The following ZNF527 variants were observed in gnomAD, a reference collection of about 807,000 sequenced individuals.
ZNF527 encodes zinc finger protein 527.
A neutral mutation model predicts 13.5 loss-of-function variants in ZNF527; 5 were observed. That is an observed-to-expected ratio of 0.37 (90% confidence interval 0.19 to 0.78). The LOEUF (loss-of-function observed/expected upper bound fraction) is 0.78, where lower values mean the gene tolerates loss of function less well. Among genes scored for constraint, ZNF527 ranks in the 30% least tolerant of loss-of-function variants. ZNF527 has a pLI of 0.48. For synonymous variants in ZNF527, 209 were observed against 243.1 expected, an observed-to-expected ratio of 0.86 and a Z score of 1.30; for missense variants, 628 against 726.4, an observed-to-expected ratio of 0.86 and a Z score of 1.56.
rs200322627 is a variant in ZNF527 at position 37,389,872 on chromosome 19, C to A, written c.1823C>A (p.Thr608Lys). ...RRHQRIHNRE[T>K]L ...CATCAGAGAATTCATAATAGAGAAA[C>A]GCTCTGATTATAACAAGTATAGGAA... The change falls in exon 5 of 5, where the codon ACG becomes AAG. Residue 608 changes from threonine (T) to lysine (K), a missense_variant. Thr to Lys is a moderately conservative substitution (Grantham distance 78, BLOSUM62 -1). Coordinates refer to ENST00000436120, the MANE Select transcript of ZNF527 (RefSeq NM_032453.2). The A allele has an allele frequency of 1.3e-6, 2 of 1,587,170 alleles. No homozygotes were observed. Among genetic ancestry groups the A allele is most frequent in the Non-Finnish European group, 1.7e-6 (2 of 1,170,568 alleles).
In ZNF527 at chr19:37,371,185, C is replaced by T. The variant is rs990552693; in HGVS notation, c.-83C>T. 2 of 152,698 alleles carry T rather than the reference C, an allele frequency of 1.3e-5. No individual in the cohort carries two copies. Among genetic ancestry groups the T allele is most frequent in the African/African-American group, 2.4e-5 (1 of 41,452 alleles). 9.5% of individuals were successfully genotyped at this position (152,698 alleles called of 1,614,324 possible). A position where few individuals can be genotyped will look rare whatever the true frequency, so the allele number is the denominator to read the frequency against. On this transcript the variant is annotated 5_prime_UTR_variant, in exon 1 of 5. Coordinates refer to ENST00000436120, the MANE Select transcript of ZNF527 (RefSeq NM_032453.2). ...GATTCTGGGAGGTGACGTCGCGGGT[C>T]TCGGTCGCGGGGCCCGTTTGCAGAG...
At chr19:37,378,961 C>T (rs1257253030) in intron 2 of ZNF527, among the ~76,000 whole-genome samples, 159 bp from the exon 3 acceptor site, 2 of 152,102 alleles carry the variant, frequency 1.3e-5, no homozygotes, top group African/African-American at 4.8e-5. Flanking sequence ...TAATATTTCT[C>T]TTCTCTTAAA....
chr19:37,384,274 C>T (rs781198824), intron 4 of ZNF527, among the ~76,000 whole-genome samples: 4 of 152,006 alleles, frequency 2.6e-5, no homozygotes, highest in African/African-American at 4.8e-5. Flanking sequence ...GCTGGGATCG[C>T]GCCACGGCAC....
At chr19:37,371,787 T>G (rs1355002949) in intron 1 of ZNF527, among the ~76,000 whole-genome samples, 2 of 152,166 alleles carry the variant, frequency 1.3e-5, no homozygotes, top group Non-Finnish European at 2.9e-5. Flanking sequence ...ACCATCTATC[T>G]TTGTGCTTAT....
intron 1 of ZNF527, among the ~76,000 whole-genome samples, chr19:37,372,189 G>A (rs887715374): frequency 5.9e-5 from 9 of 151,758 alleles, no homozygotes; most frequent in African/African-American, 2.4e-5. Context: ...TAGTAGAGAC[G>A]AGGTTTCACC....
At chr19:37,379,882 T>A (rs1448682290) in intron 3 of ZNF527, among the ~76,000 whole-genome samples, 2 of 152,334 alleles carry the variant, frequency 1.3e-5, no homozygotes, top group Admixed American at 6.5e-5. Flanking sequence ...GAGGCCCCAT[T>A]CTAGACCTAC....
At position 37,392,881 on chromosome 19, in the gene ZNF527, T is replaced by C. The variant is rs1288680607; in HGVS notation, c.*3002T>C. The C allele has an allele frequency of 1.3e-5, 2 of 152,246 alleles. No homozygotes were observed. The highest frequency in any genetic ancestry group is 2.9e-5 in the Non-Finnish European group (2 of 68,046). 9.4% of individuals were successfully genotyped at this position (152,246 alleles called of 1,614,324 possible). ...TTTCTCCTCACAATGAAGTACTAAA[T>C]TTTGTTTCTTTTCAACTGTACAACC... On this transcript the variant is annotated 3_prime_UTR_variant, in exon 5 of 5. Transcript: ENST00000436120.
intron 4 of ZNF527, among the ~76,000 whole-genome samples, chr19:37,386,527 G>A (rs2040701102): frequency 1.3e-5 from 2 of 152,124 alleles, no homozygotes; most frequent in Non-Finnish European, 2.9e-5. Flanking sequence ...AGCTTTGAGT[G>A]CATAAAATGT....
At chr19:37,375,912 T>C (rs1476689900) in intron 2 of ZNF527, among the ~76,000 whole-genome samples, 1 of 152,178 alleles carries the variant, frequency 6.6e-6, no homozygotes, top group Admixed American at 6.5e-5. Flanking sequence ...TAAGTTCCTC[T>C]GAGAGGGACT....
chr19:37,376,912 G>T (rs1244282211), intron 2 of ZNF527, among the ~76,000 whole-genome samples: 2 of 152,036 alleles, frequency 1.3e-5, no homozygotes, highest in Non-Finnish European at 2.9e-5. Context: ...ATGTTGAAAT[G>T]ATAACATTTT....
In ZNF527 at chr19:37,389,676, C is replaced by A. The variant is rs1256364995; in HGVS notation, c.1627C>A (p.Gln543Lys). The change falls in exon 5 of 5, where the codon CAA (glutamine) becomes AAA (lysine). Residue 543 changes from glutamine (Q) to lysine (K), a missense_variant. This residue lies in a region of ZNF527 where 592 missense variants were observed against 678.0 expected (regional missense o/e 0.87). Coordinates refer to ENST00000436120, the MANE Select transcript of ZNF527 (RefSeq NM_032453.2). Reference protein sequence around the residue: ...KAFSCGSYLNQHQRIHTGEKP... With the variant: ...KAFSCGSYLNKHQRIHTGEKP... The stretch of plus-strand genomic sequence containing the variant: ...CTTCAGTTGTGGCTCATATCTTAAT[C>A]AACATCAAAGAATTCATACTGGAGA... 17 of 1,613,898 alleles carry A rather than the reference C, an allele frequency of 1.1e-5. No individual in the cohort carries two copies. Among genetic ancestry groups the A allele is most frequent in the Non-Finnish European group, 1.4e-5 (16 of 1,180,006 alleles).
chr19:37,391,925 T>C lies in ZNF527; in HGVS notation c.*2046T>C, dbSNP rs1453584853. The C allele has an allele frequency of 6.6e-6, 1 of 152,064 alleles. No individual in the cohort carries two copies. The highest frequency in any genetic ancestry group is 1.5e-5 in the Non-Finnish European group (1 of 68,018). 9.4% of individuals were successfully genotyped at this position (152,064 alleles called of 1,614,324 possible). On this transcript the variant is annotated 3_prime_UTR_variant, in exon 5 of 5. Transcript: ENST00000436120. ...CCTGAAGAGCATCTGTAAAAACATA[T>C]CAGAACAAATGAAAGAGGAAAGAAT...
intron 4 of ZNF527, among the ~76,000 whole-genome samples, chr19:37,381,811 G>A (rs922727185): frequency 2.0e-5 from 3 of 151,980 alleles, no homozygotes; most frequent in African/African-American, 7.3e-5. Context: ...GGATTGTTCT[G>A]AAGGAAGAGC....
In ZNF527 at chr19:37,389,278, G is replaced by A; in HGVS notation, c.1229G>A (p.Gly410Glu). 1 of 1,614,182 alleles carries A rather than the reference G, an allele frequency of 6.2e-7. No individual in the cohort carries two copies. Among genetic ancestry groups the A allele is most frequent in the Non-Finnish European group, 8.5e-7 (1 of 1,180,034 alleles). Residue 410 changes from glycine (G) to glutamate (E), a missense_variant, in exon 5 of 5, where the codon GGA (glycine) becomes GAA (glutamate). Coordinates refer to ENST00000436120, the MANE Select transcript of ZNF527 (RefSeq NM_032453.2). ...HLNQHQRIHT[G>E]EKPYECNQCG... is the part of the protein sequence containing the mutation. ...AATCAACATCAGAGGATTCACACTGGAGAGAAACCCTATGAATGTAATCAG... is the reference window on the plus strand; with the variant it reads ...AATCAACATCAGAGGATTCACACTGAAGAGAAACCCTATGAATGTAATCAG...
chr19:37,387,620 A>G (rs1600271481), intron 4 of ZNF527, among the ~76,000 whole-genome samples: 3 of 152,218 alleles, frequency 2.0e-5, no homozygotes, highest in Non-Finnish European at 4.4e-5. Flanking sequence ...TTTCTACCTT[A>G]CCCAACCAAT....
rs1210582193 is a variant in ZNF527 at position 37,389,232 on chromosome 19, T to C, written c.1183T>C (p.Phe395Leu). The C allele has an allele frequency of 1.2e-6, 2 of 1,614,036 alleles. No homozygotes were observed. The highest frequency in any genetic ancestry group is 1.7e-6 in the Non-Finnish European group (2 of 1,180,032). ...TGAATGTAAAGAATGTAATAAAGCC[T>C]TCAGACAGAGTGCTCACCTTAATCA... is the stretch of plus-strand genomic sequence containing the variant. Reference protein sequence around the residue: ...PYECKECNKAFRQSAHLNQHQ... With the variant: ...PYECKECNKALRQSAHLNQHQ... The change falls in exon 5 of 5, where the codon TTC becomes CTC. Residue 395 changes from phenylalanine to leucine, a missense_variant. By Grantham distance (22) the Phe-to-Leu change is conservative (BLOSUM62 0). Around this residue, in one of 3 missense-constraint regions of ZNF527, gnomAD observed 592 missense variants for 678.0 expected, o/e 0.87. Transcript: ENST00000436120.
intron 4 of ZNF527, 33 bp from the exon 5 acceptor site, chr19:37,388,273 A>G: frequency 6.3e-7 from 1 of 1,595,698 alleles, no homozygotes; most frequent in South Asian, 1.1e-5. Context: ...GCAAAAGAAC[A>G]AAGGAGACAT....
intron 4 of ZNF527, among the ~76,000 whole-genome samples, chr19:37,380,873 T>C (rs1055829416): frequency 4.9e-4 from 74 of 152,290 alleles, no homozygotes; most frequent in African/African-American, 1.8e-3. Context: ...CTTTTGTAGT[T>C]TATTTTGGTG....
intron 2 of ZNF527, among the ~76,000 whole-genome samples, chr19:37,374,617 G>C (rs2040584532): frequency 6.6e-6 from 1 of 152,176 alleles, no homozygotes; most frequent in South Asian, 2.1e-4. Flanking sequence ...CTGGGGAAGA[G>C]CTTTAAAAGA....
Sources: allele counts gnomAD v4.1 joint callset (sites outside exome capture counted in the v4.1 genomes callset), GRCh38; gene constraint gnomAD v4.1.1; regional missense constraint gnomAD v4.1.1; transcripts MANE v1.5; gene names NCBI Gene and HGNC (gene_info 2026-07-23, HGNC 2026-07-21).